Variants in CCDC88C observed in about 807,000 individuals in gnomAD.
The protein encoded by CCDC88C is coiled-coil and HOOK domain protein 88C.
CCDC88C carries 131 observed loss-of-function variants against 198.8 expected under a neutral mutation model. The ratio of observed to expected loss-of-function variants is 0.66; its 90% CI spans 0.57 to 0.76. The LOEUF (loss-of-function observed/expected upper bound fraction) is 0.76. CCDC88C is among the 30% of genes least tolerant of loss of function. The pLI, the probability that CCDC88C is intolerant of heterozygous loss-of-function variation, is 0.00. For synonymous variants in CCDC88C, 1,166 were observed against 1,114.7 expected, an observed-to-expected ratio of 1.05 and a Z score of -0.92; for missense variants, 2,553 against 2,631.6, an observed-to-expected ratio of 0.97 and a Z score of 0.65.
At position 91,272,766 on chromosome 14, in the gene CCDC88C, T is replaced by C; in HGVS notation, c.5946A>G (p.Pro1982=). ...GGGGAGCCAAATCGGGAGACCGACC[T>C]GGGCTCTTGGCCGGAAGCCCCTCAC... ...GCSEGLPAKS[P]GRSPDLAPHL... Residue 1982 remains proline, a synonymous_variant, in exon 30 of 30, where the codon CCA becomes CCG. Transcript: ENST00000389857. 6.2e-7 allele frequency: 1 copy of C among 1,607,710 alleles called. No homozygotes were observed.
In CCDC88C at chr14:91,279,309, G is replaced by A. The variant is rs1890103507; in HGVS notation, c.4700-3C>T. Reference sequence around the variant, plus strand: ...CTCTAAGCTACTTGGCCGCGACACTGAAAGGAAATGGCAGTGTTAAAATTA... The same window carrying A: ...CTCTAAGCTACTTGGCCGCGACACTAAAAGGAAATGGCAGTGTTAAAATTA... On this transcript the variant is annotated splice_polypyrimidine_tract_variant and splice_region_variant and intron_variant, in intron 27 of 29. Coordinates refer to ENST00000389857, the MANE Select transcript of CCDC88C (RefSeq NM_001080414.4). 6.3e-7 allele frequency: 1 copy of A among 1,595,250 alleles called. No individual in the cohort carries two copies. The highest frequency in any genetic ancestry group is 2.2e-5 in the East Asian group (1 of 44,542).
At chr14:91,282,838 C>G (rs1413229075) in intron 26 of CCDC88C, among the ~76,000 whole-genome samples, 2 of 152,162 alleles carry the variant, frequency 1.3e-5, no homozygotes, top group African/African-American at 4.8e-5. Flanking sequence ...AAGGCAAGAG[C>G]ATTGCTTGAG....
chr14:91,409,338 CTAATTTTTTTT>C (rs944657917), intron 2 of CCDC88C, among the ~76,000 whole-genome samples: 30 of 151,594 alleles, frequency 2.0e-4, no homozygotes, highest in African/African-American at 5.8e-4. Context: ...ACAGGCCCAG[CTAATTTTTTTT>C]TAATTTTTTT....
intron 2 of CCDC88C, among the ~76,000 whole-genome samples, chr14:91,409,635 A>G (rs1886700149): frequency 6.6e-6 from 1 of 151,098 alleles, no homozygotes; most frequent in Admixed American, 6.6e-5. Flanking sequence ...TTATAGGTGC[A>G]TGCCACCACG....
intron 16 of CCDC88C, among the ~76,000 whole-genome samples, chr14:91,309,043 A>G (rs1891685849): frequency 6.6e-6 from 1 of 152,190 alleles, no homozygotes; most frequent in Non-Finnish European, 1.5e-5. Context: ...TCTGGCCAAC[A>G]TGGTGAAACC....
chr14:91,345,930 C>CA lies in CCDC88C; in HGVS notation c.341-2274dup, dbSNP rs556896901. On this transcript the variant is annotated intron_variant, in intron 4 of 29. Coordinates refer to ENST00000389857, the MANE Select transcript of CCDC88C (RefSeq NM_001080414.4). ...AATGTGCAGGGTTCCCTTTCAGGTT[C>CA]AAAAAAAAAAAAATCTATGTGTTCT... is the stretch of plus-strand genomic sequence containing the variant. 6.4e-3 allele frequency among the ~76,000 whole-genome samples: 884 copies of CA among 138,750 alleles called. 5 individuals carry two copies. Among genetic ancestry groups the CA allele is most frequent in the African/African-American group, 0.018 (681 of 38,364 alleles). 91.0% of individuals were successfully genotyped at this position (138,750 alleles called of 152,430 possible).
chr14:91,283,641 C>G, intron 25 of CCDC88C, 124 bp from the exon 26 acceptor site: 2 of 922,810 alleles, frequency 2.2e-6, no homozygotes, highest in Admixed American at 2.7e-5. Flanking sequence ...AGCGGGGCTG[C>G]CACAGCTCTC....
chr14:91,407,986 G>C (rs988786229), intron 3 of CCDC88C: 2 of 152,450 alleles, frequency 1.3e-5, no homozygotes, highest in African/African-American at 4.8e-5. Flanking sequence ...CATCGCGTTG[G>C]CCAGGATGGT....
At chr14:91,293,141 C>A (rs1373906676) in intron 23 of CCDC88C, among the ~76,000 whole-genome samples, 7 of 146,684 alleles carry the variant, frequency 4.8e-5, no homozygotes, top group African/African-American at 1.8e-4. Flanking sequence ...AGCCCACCTT[C>A]CCATCCTCAC....
At chr14:91,390,502 A>C (rs969075397) in intron 3 of CCDC88C, among the ~76,000 whole-genome samples, 1 of 152,154 alleles carries the variant, frequency 6.6e-6, no homozygotes, top group Non-Finnish European at 1.5e-5. Flanking sequence ...CACAGAGAAC[A>C]CTGGGGCAGT....
At chr14:91,283,678 G>C (rs780195795) in intron 25 of CCDC88C, 161 bp from the exon 26 acceptor site, 3 of 653,090 alleles carry the variant, frequency 4.6e-6, no homozygotes, top group Non-Finnish European at 7.8e-6. Flanking sequence ...GGGGCCTGGC[G>C]GGGCAGGTGG....
Position 91,294,337 on chromosome 14 carries a change from G to A in CCDC88C, c.3967-19C>T, listed in dbSNP as rs1890904883. 1.9e-6 allele frequency: 3 copies of A among 1,612,962 alleles called. No individual in the cohort carries two copies. Among genetic ancestry groups the A allele is most frequent in the Non-Finnish European group, 2.5e-6 (3 of 1,179,452 alleles). On this transcript the variant is annotated intron_variant, in intron 22 of 29. Coordinates refer to ENST00000389857, the MANE Select transcript of CCDC88C (RefSeq NM_001080414.4). ...AGAGCAGCTAGAACACAGACCAACA[G>A]CGTCTCAGACACCATGTGACCCGGT...
At chr14:91,410,448 A>G (rs1886738142) in intron 2 of CCDC88C, among the ~76,000 whole-genome samples, 1 of 152,246 alleles carries the variant, frequency 6.6e-6, no homozygotes, top group South Asian at 2.1e-4. Flanking sequence ...GACAAAGGAA[A>G]AAAAAACCCT....
rs543035989 is a variant in CCDC88C at position 91,298,293 on chromosome 14, G to A, written c.3780-802C>T. ...GCAAAAAGTAGAAAAAAGTTGCCGG[G>A]AACCCGGGAGGCGGAGCTTGCAGTG... On this transcript the variant is annotated intron_variant, in intron 21 of 29. Transcript: ENST00000389857. Among the ~76,000 whole-genome samples the A allele has an allele frequency of 6.6e-5, 10 of 152,136 alleles. No individual in the cohort carries two copies. In the South Asian group the frequency reaches 1.7e-3, roughly 25 times the overall value.
At chr14:91,369,863 G>A (rs984901965) in intron 3 of CCDC88C, among the ~76,000 whole-genome samples, 3 of 152,042 alleles carry the variant, frequency 2.0e-5, no homozygotes, top group Non-Finnish European at 2.9e-5. Flanking sequence ...CAGGAGCGCC[G>A]GCTCCCCTAA....
chr14:91,361,335 A>G (rs1894296543), intron 3 of CCDC88C, among the ~76,000 whole-genome samples: 1 of 152,202 alleles, frequency 6.6e-6, no homozygotes. Flanking sequence ...TGTGCTGCTA[A>G]CTAGCACTCG....
intron 10 of CCDC88C, among the ~76,000 whole-genome samples, chr14:91,331,842 C>T (rs1184762641): frequency 6.6e-6 from 1 of 152,186 alleles, no homozygotes; most frequent in African/African-American, 2.4e-5. Flanking sequence ...TGCCCAACAC[C>T]TGGCAAGCTG....
Position 91,307,230 on chromosome 14 carries a change from C to T in CCDC88C, c.3007-4G>A. The T allele has an allele frequency of 6.2e-7, 1 of 1,612,452 alleles. No individual in the cohort carries two copies. Among genetic ancestry groups the T allele is most frequent in the Non-Finnish European group, 8.5e-7 (1 of 1,179,774 alleles). On this transcript the variant is annotated splice_region_variant and splice_polypyrimidine_tract_variant and intron_variant, in intron 17 of 29. Coordinates refer to ENST00000389857, the MANE Select transcript of CCDC88C (RefSeq NM_001080414.4). ...GGGTCTCACACTCCTTCTTTAGCTACAGGTGTGACAATAAGCAAGGAGGCT... is the reference window on the plus strand; with the variant it reads ...GGGTCTCACACTCCTTCTTTAGCTATAGGTGTGACAATAAGCAAGGAGGCT...
At chr14:91,308,542 A>G (rs751421651) in intron 16 of CCDC88C, 50 bp from the exon 17 acceptor site, 45 of 1,580,616 alleles carry the variant, frequency 2.8e-5, no homozygotes, top group Non-Finnish European at 3.6e-5. Flanking sequence ...TCCTCTCCGC[A>G]AGTTCCCAGT....
Sources: gnomAD v4.1 joint callset for allele counts (sites outside exome capture counted in the v4.1 genomes callset) on GRCh38, gnomAD v4.1.1 for gene constraint, MANE v1.5 for transcripts, NCBI Gene and HGNC (gene_info 2026-07-23, HGNC 2026-07-21) for gene names.